Variants in PDE4D observed in about 807,000 individuals in gnomAD.
PDE4D encodes the protein 3',5'-cyclic-AMP phosphodiesterase 4D.
Under a neutral mutation model 87.4 loss-of-function variants are expected in PDE4D, and 24 were observed. That is an observed-to-expected ratio of 0.27 (90% CI 0.20 to 0.39). PDE4D has a LOEUF of 0.39. PDE4D is among the 10% of genes least tolerant of loss of function. The pLI is 1.00. For synonymous variants in PDE4D, 384 were observed against 383.2 expected (o/e 1.00, Z -0.02); for missense variants, 714 against 1,041.0 (o/e 0.69, Z 4.32).
intron 1 of PDE4D, among the ~76,000 whole-genome samples, chr5:59,379,441 G>C (rs535334683): frequency 6.6e-6 from 1 of 151,910 alleles, no homozygotes; most frequent in African/African-American, 2.4e-5. Context: ...TCTATACCGA[G>C]AGGCAACTTG....
At chr5:60,395,691 T>C (rs1762840242) in intron 1 of PDE4D, among the ~76,000 whole-genome samples, 1 of 152,082 alleles carries the variant, frequency 6.6e-6, no homozygotes, top group Non-Finnish European at 1.5e-5. Context: ...TTTATTTCTC[T>C]TTCTTTTTCA....
intron 2 of PDE4D, among the ~76,000 whole-genome samples, chr5:60,119,513 G>C (rs1044211864): frequency 6.6e-6 from 1 of 152,172 alleles, no homozygotes; most frequent in Non-Finnish European, 1.5e-5. Context: ...TTTGGAAAAT[G>C]GTTGTCCTCT....
chr5:60,477,341 G>C, intron 1 of PDE4D, among the ~76,000 whole-genome samples: 1 of 152,162 alleles, frequency 6.6e-6, no homozygotes, highest in Non-Finnish European at 1.5e-5. Context: ...TAAAAAGGAG[G>C]AGTTAGGGGA....
chr5:60,471,801 A>G lies in PDE4D; in HGVS notation c.-90+16141T>C, dbSNP rs560362481. Among the ~76,000 whole-genome samples the G allele has an allele frequency of 2.6e-5, 4 of 152,350 alleles. No individual in the cohort carries two copies. The South Asian group carries it at 8.3e-4, about 32-fold the overall frequency. On this transcript the variant is annotated intron_variant, in intron 1 of 16. Transcript: ENST00000502484. ...AGTATACTAGAAATGTAACTTACAT[A>G]CATTGGGAAACCAAAATGTTTGCAT... is the stretch of plus-strand genomic sequence containing the variant.
chr5:59,071,509 T>C (rs771104395), intron 5 of PDE4D, among the ~76,000 whole-genome samples: 1 of 150,532 alleles, frequency 6.6e-6, no homozygotes, highest in African/African-American at 2.4e-5. Flanking sequence ...ATCATGTTTT[T>C]ACTTTCCAAG....
intron 1 of PDE4D, among the ~76,000 whole-genome samples, chr5:59,854,484 CA>C: frequency 6.6e-6 from 1 of 151,912 alleles, no homozygotes. Context: ...TATATGTACT[CA>C]AATATGTCAG....
At chr5:59,622,083 T>C (rs1361734531) in intron 1 of PDE4D, among the ~76,000 whole-genome samples, 1 of 152,174 alleles carries the variant, frequency 6.6e-6, no homozygotes, top group Non-Finnish European at 1.5e-5. Context: ...AAGTTAAACC[T>C]GAAATTAAGT....
chr5:58,984,736 T>A (rs188965728), intron 11 of PDE4D, among the ~76,000 whole-genome samples: 13 of 152,330 alleles, frequency 8.5e-5, no homozygotes, highest in African/African-American at 2.9e-4. Flanking sequence ...TAAATCTTTC[T>A]GCCCCAAACT....
chr5:60,194,777 C>T (rs1470033112), intron 1 of PDE4D, among the ~76,000 whole-genome samples: 1 of 151,580 alleles, frequency 6.6e-6, no homozygotes, highest in Non-Finnish European at 1.5e-5. Flanking sequence ...CCACAGTCTT[C>T]CAGAGTTTTA....
chr5:59,403,153 A>G (rs1258085794), intron 1 of PDE4D, among the ~76,000 whole-genome samples: 30 of 118,214 alleles, frequency 2.5e-4, no homozygotes, highest in East Asian at 1.2e-3. Flanking sequence ...AGACAGACAG[A>G]CAGACAGACA....
At position 59,103,057 on chromosome 5, in the gene PDE4D, G is replaced by A. The variant is rs534225118; in HGVS notation, c.809-64086C>T. Among the ~76,000 whole-genome samples, 40 of 152,238 alleles carry A rather than the reference G, an allele frequency of 2.6e-4. 2 individuals carry two copies. The South Asian group carries it at 7.9e-3, about 30-fold the overall frequency. ...TGTTTCTCAAGGGGCTGAACTACAA[G>A]GACAGAATGAACTGATCTGGCCAAT... On this transcript the variant is annotated intron_variant, in intron 5 of 14. Coordinates refer to ENST00000340635, the MANE Select transcript of PDE4D (RefSeq NM_001104631.2).
At chr5:60,353,667 A>G (rs1322556834) in intron 1 of PDE4D, among the ~76,000 whole-genome samples, 2 of 152,224 alleles carry the variant, frequency 1.3e-5, no homozygotes, top group African/African-American at 4.8e-5. Context: ...TCCAGCTTTC[A>G]CAGGGCCAGG....
In PDE4D at chr5:59,309,659, G is replaced by A. The variant is rs139480098; in HGVS notation, c.456-93691C>T. ...AGTCTGCTTCCTTCAGAGGGTGTGT[G>A]GGTCCTCTCAAGGTTGCTGGTTTGT... On this transcript the variant is annotated intron_variant, in intron 1 of 14. Coordinates refer to ENST00000340635, the MANE Select transcript of PDE4D (RefSeq NM_001104631.2). 3.9e-5 allele frequency among the ~76,000 whole-genome samples: 6 copies of A among 152,260 alleles called. No homozygotes were observed. In the East Asian group the frequency reaches 5.8e-4, roughly 15 times the overall value.
chr5:59,173,123 G>A (rs964978878), intron 5 of PDE4D, among the ~76,000 whole-genome samples: 6 of 152,108 alleles, frequency 3.9e-5, no homozygotes, highest in Non-Finnish European at 8.8e-5. Flanking sequence ...AAATGAACAT[G>A]AGCCCCATTT....
intron 2 of PDE4D, among the ~76,000 whole-genome samples, chr5:60,111,016 G>C (rs1777619329): frequency 6.6e-6 from 1 of 152,046 alleles, no homozygotes; most frequent in African/African-American, 2.4e-5. Flanking sequence ...GATGGGGGAA[G>C]AGGAGGATGG....
intron 2 of PDE4D, among the ~76,000 whole-genome samples, chr5:60,154,643 T>G (rs10045507): frequency 0.52 from 78,538 of 152,044 alleles, 20,595 homozygotes; most frequent in Admixed American, 0.54. Context: ...CAATACATTT[T>G]TATAAAGAGT....
intron 1 of PDE4D, among the ~76,000 whole-genome samples, chr5:59,860,891 C>T (rs1289405090): frequency 6.6e-6 from 1 of 151,460 alleles, no homozygotes; most frequent in Non-Finnish European, 1.5e-5. Flanking sequence ...TGGAGTCTCG[C>T]TCTGTTGCCC....
In PDE4D at chr5:58,997,663, G is replaced by C. The variant is rs868497720; in HGVS notation, c.922-4198C>G. Among the ~76,000 whole-genome samples the C allele has an allele frequency of 6.7e-4, 53 of 79,328 alleles. No homozygotes were observed. The Middle Eastern group carries it at 0.019, about 28-fold the overall frequency. 52.0% of individuals were successfully genotyped at this position (79,328 alleles called of 152,430 possible). ...GTCTGAAAACAATACACAGATTTAGGGTTGCAACTAAAAAAACGGGAGGAT... is the reference window on the plus strand; with the variant it reads ...GTCTGAAAACAATACACAGATTTAGCGTTGCAACTAAAAAAACGGGAGGAT... On this transcript the variant is annotated intron_variant, in intron 6 of 14. Transcript: ENST00000340635.
chr5:59,324,721 A>G (rs1289823738), intron 1 of PDE4D, among the ~76,000 whole-genome samples: 1 of 152,078 alleles, frequency 6.6e-6, no homozygotes, highest in Non-Finnish European at 1.5e-5. Context: ...CGCCTTTGAT[A>G]ATGTCACTGA....
Sources: allele counts gnomAD v4.1 joint callset (sites outside exome capture counted in the v4.1 genomes callset), GRCh38; gene constraint gnomAD v4.1.1; transcripts MANE v1.5; gene names NCBI Gene and HGNC (gene_info 2026-07-23, HGNC 2026-07-21).